Variants in JAKMIP2 observed in about 807,000 individuals in gnomAD.
JAKMIP2 encodes the protein janus kinase and microtubule interacting protein 2.
In JAKMIP2, 25 loss-of-function variants were observed where a neutral mutation model predicts 115.0. The observed-to-expected ratio is 0.22, with a 90% CI of 0.16 to 0.30. The LOEUF is 0.30. Among genes scored for constraint, JAKMIP2 ranks in the 10% least tolerant of loss-of-function variants. The pLI is 1.00. For synonymous variants in JAKMIP2, 334 were observed against 343.6 expected, an observed-to-expected ratio of 0.97 and a Z score of 0.31; for missense variants, 642 against 957.6, an observed-to-expected ratio of 0.67 and a Z score of 4.35.
At chr5:147,739,185 C>G (rs2126989604) in intron 1 of JAKMIP2, among the ~76,000 whole-genome samples, 1 of 152,164 alleles carries the variant, frequency 6.6e-6, no homozygotes, top group South Asian at 2.1e-4. Context: ...AGGCAACAGA[C>G]TTGAGTCAGA....
chr5:147,603,692 G>T (rs10038789), intron 20 of JAKMIP2, among the ~76,000 whole-genome samples: 144,878 of 152,310 alleles, frequency 0.95, 69,309 homozygotes, highest in East Asian at 1. Context: ...AAATATGCAA[G>T]GTTGATAATT....
At chr5:147,623,270 G>A (rs2126660910) in intron 17 of JAKMIP2, among the ~76,000 whole-genome samples, 1 of 150,970 alleles carries the variant, frequency 6.6e-6, no homozygotes, top group African/African-American at 2.4e-5. Context: ...ATGTAAGGTG[G>A]CTTAGGGATT....
chr5:147,597,179 G>C (rs908039478), intron 21 of JAKMIP2, among the ~76,000 whole-genome samples: 12 of 151,962 alleles, frequency 7.9e-5, no homozygotes, highest in Admixed American at 7.9e-4. Context: ...CACCGCGCCT[G>C]GCCGATCGTA....
Position 147,687,104 on chromosome 5 carries a change from C to T in JAKMIP2, c.-148-15150G>A, listed in dbSNP as rs116717225. Among the ~76,000 whole-genome samples the T allele has an allele frequency of 3.7e-3, 560 of 152,264 alleles. 3 individuals are homozygous for T. Among genetic ancestry groups the T allele is most frequent in the African/African-American group, 0.012 (517 of 41,580 alleles). On this transcript the variant is annotated intron_variant, in intron 1 of 21. Coordinates refer to ENST00000616793, the MANE Select transcript of JAKMIP2 (RefSeq NM_001270941.2). ...ATCATAGCACTTGTAAAGATAATTA[C>T]TGTTCTTCATCCACTTACTCACCTC...
chr5:147,713,299 G>A (rs569913554), intron 1 of JAKMIP2, among the ~76,000 whole-genome samples: 50 of 152,068 alleles, frequency 3.3e-4, no homozygotes, highest in Non-Finnish European at 6.0e-4. Context: ...TAACATCAAG[G>A]TTCCATTTTT....
chr5:147,758,878 C>T (rs188287741), intron 1 of JAKMIP2, among the ~76,000 whole-genome samples: 3 of 152,264 alleles, frequency 2.0e-5, no homozygotes, highest in Non-Finnish European at 2.9e-5. Flanking sequence ...ATGTATAGTG[C>T]AGGTGCATTG....
chr5:147,746,156 A>G (rs79740546), intron 1 of JAKMIP2, among the ~76,000 whole-genome samples: 3,639 of 152,312 alleles, frequency 0.024, 145 homozygotes, highest in African/African-American at 0.082. Flanking sequence ...GGACTTTTGC[A>G]TGCATCAGAC....
rs1483962781 is a variant in JAKMIP2, at chr5:147,590,644, T to A, written c.*1063A>T. On this transcript the variant is annotated 3_prime_UTR_variant, in exon 22 of 22. Coordinates refer to ENST00000616793, the MANE Select transcript of JAKMIP2 (RefSeq NM_001270941.2). ...TTGGTAGAAATTTACTCATTGATTCTGCTGTGTTTTTGCCCAAATCATATA... is the reference window on the plus strand; with the variant it reads ...TTGGTAGAAATTTACTCATTGATTCAGCTGTGTTTTTGCCCAAATCATATA... 6.6e-6 allele frequency: 1 copy of A among 152,252 alleles called. No individual in the cohort carries two copies. The highest frequency in any genetic ancestry group is 2.4e-5 in the African/African-American group (1 of 41,470). 9.4% of individuals were successfully genotyped at this position (152,252 alleles called of 1,614,324 possible). A position where few individuals can be genotyped will look rare whatever the true frequency, so the allele number is the denominator to read the frequency against.
At chr5:147,681,267 A>C (rs541253893) in intron 1 of JAKMIP2, among the ~76,000 whole-genome samples, 1 of 152,296 alleles carries the variant, frequency 6.6e-6, no homozygotes, top group African/African-American at 2.4e-5. Flanking sequence ...GCTTGGTAGA[A>C]GTAATGTCTA....
intron 1 of JAKMIP2, among the ~76,000 whole-genome samples, chr5:147,751,247 TTTG>T (rs1219035468): frequency 7.2e-6 from 1 of 138,980 alleles, no homozygotes; most frequent in South Asian, 2.3e-4. Flanking sequence ...AAGTTGTTTT[TTTG>T]TTGTTGTTTT....
intron 12 of JAKMIP2, among the ~76,000 whole-genome samples, chr5:147,633,162 AT>A (rs933362742): frequency 1.7e-4 from 26 of 152,228 alleles, no homozygotes; most frequent in South Asian, 4.2e-4. Flanking sequence ...TGTTACAGAA[AT>A]TTTTTTTAAC....
At chr5:147,623,552 G>A (rs562276242) in intron 17 of JAKMIP2, 69 bp downstream of exon 17, 13 of 976,906 alleles carry the variant, frequency 1.3e-5, no homozygotes, top group Admixed American at 1.1e-4. Flanking sequence ...AACTGGTAGA[G>A]GCAACTTTAA....
intron 3 of JAKMIP2, 25 bp downstream of exon 3, chr5:147,660,923 G>A (rs772886171): frequency 1.4e-5 from 23 of 1,610,772 alleles, no homozygotes; most frequent in South Asian, 2.2e-5. Context: ...GTTCTACATG[G>A]GTCTGATGGG....
chr5:147,690,803 G>C (rs1751809202), intron 1 of JAKMIP2, among the ~76,000 whole-genome samples: 1 of 151,806 alleles, frequency 6.6e-6, no homozygotes, highest in Non-Finnish European at 1.5e-5. Flanking sequence ...CGCATACTGT[G>C]TGGCCCTCTG....
At chr5:147,730,509 G>A (rs949556576) in intron 1 of JAKMIP2, among the ~76,000 whole-genome samples, 2 of 151,694 alleles carry the variant, frequency 1.3e-5, no homozygotes, top group African/African-American at 2.4e-5. Flanking sequence ...AGGCTGGAGT[G>A]CAGTGGTGCA....
At position 147,650,898 on chromosome 5, in the gene JAKMIP2, CTAA is replaced by C. The variant is rs369755044; in HGVS notation, c.628-354_628-352del. Among the ~76,000 whole-genome samples, 660 of 152,296 alleles carry C rather than the reference CTAA, an allele frequency of 4.3e-3. 9 individuals carry two copies. Among genetic ancestry groups the C allele is most frequent in the African/African-American group, 0.015 (611 of 41,544 alleles). ...AAAGATGAACATTAAATATTCCACT[CTAA>C]TGTTTCCTAGGACATTTTTTGATGT... On this transcript the variant is annotated intron_variant, in intron 3 of 21. Coordinates refer to ENST00000616793, the MANE Select transcript of JAKMIP2 (RefSeq NM_001270941.2).
At chr5:147,731,784 G>A (rs77323336) in intron 1 of JAKMIP2, among the ~76,000 whole-genome samples, 2,718 of 152,278 alleles carry the variant, frequency 0.018, 89 homozygotes, top group African/African-American at 0.061. Flanking sequence ...AGGTCACCTA[G>A]ATTTCAAAAC....
chr5:147,608,702 G>A (rs1463979034), intron 20 of JAKMIP2, among the ~76,000 whole-genome samples: 1 of 152,158 alleles, frequency 6.6e-6, no homozygotes, highest in Non-Finnish European at 1.5e-5. Flanking sequence ...GCTTGGTCCA[G>A]AGCTGAGTTC....
intron 1 of JAKMIP2, among the ~76,000 whole-genome samples, chr5:147,747,028 A>G (rs867153972): frequency 2.0e-5 from 3 of 152,210 alleles, no homozygotes; most frequent in Admixed American, 6.5e-5. Context: ...TGTATGTCCA[A>G]TGCTTACTGA....
Sources: gnomAD v4.1 joint callset for allele counts (sites outside exome capture counted in the v4.1 genomes callset) on GRCh38, gnomAD v4.1.1 for gene constraint, MANE v1.5 for transcripts, NCBI Gene and HGNC (gene_info 2026-07-23, HGNC 2026-07-21) for gene names.